ABCB9: variants seen among roughly 807,000 people sequenced by gnomAD.
ABCB9 encodes ABC-type oligopeptide transporter ABCB9.
ABCB9 carries 36 observed loss-of-function variants against 62.0 expected under a neutral mutation model. The ratio of observed to expected loss-of-function variants is 0.58; its 90% CI spans 0.45 to 0.77. The LOEUF (loss-of-function observed/expected upper bound fraction) is 0.77. Among genes scored for constraint, ABCB9 ranks in the 30% least tolerant of loss-of-function variants. The pLI, the probability that ABCB9 is intolerant of heterozygous loss-of-function variation, is 0.00. For synonymous variants in ABCB9, 435 were observed against 461.4 expected, an observed-to-expected ratio of 0.94 and a Z score of 0.73; for missense variants, 943 against 1,054.7, an observed-to-expected ratio of 0.89 and a Z score of 1.47.
intron 2 of ABCB9, among the ~76,000 whole-genome samples, chr12:122,958,783 C>T (rs965383059): frequency 3.3e-5 from 5 of 151,928 alleles, no homozygotes; most frequent in Admixed American, 6.6e-5. Context: ...TTGAAGCTGC[C>T]GTAAGCTGTG....
chr12:122,965,421 G>C (rs1269365688), intron 1 of ABCB9, among the ~76,000 whole-genome samples: 1 of 152,246 alleles, frequency 6.6e-6, no homozygotes, highest in Non-Finnish European at 1.5e-5. Context: ...CTGCTGGGTG[G>C]GAGGGCCTGA....
At chr12:122,949,997 G>A (rs1047037506) in intron 3 of ABCB9, 79 bp from the exon 4 acceptor site, 11 of 1,585,732 alleles carry the variant, frequency 6.9e-6, no homozygotes, top group African/African-American at 4.0e-5. Flanking sequence ...TCCCGCTGCC[G>A]GCAGGCCTGG....
chr12:122,962,397 A>G (rs1004741504), intron 1 of ABCB9, among the ~76,000 whole-genome samples: 2 of 152,160 alleles, frequency 1.3e-5, no homozygotes, highest in African/African-American at 2.4e-5. Context: ...GCTGGGTGAC[A>G]GCGGGGATGA....
chr12:122,956,199 G>A (rs2036605525), intron 2 of ABCB9, among the ~76,000 whole-genome samples: 1 of 152,206 alleles, frequency 6.6e-6, no homozygotes, highest in African/African-American at 2.4e-5. Flanking sequence ...TTACTGGGAG[G>A]TGTCTATGTG....
intron 2 of ABCB9, among the ~76,000 whole-genome samples, chr12:122,955,042 C>T (rs1227061001): frequency 6.6e-6 from 1 of 152,194 alleles, no homozygotes; most frequent in African/African-American, 2.4e-5. Context: ...AGCAACCCTC[C>T]CTCCTTGGCC....
intron 2 of ABCB9, chr12:122,952,101 G>T: frequency 6.5e-6 from 1 of 153,312 alleles, no homozygotes; most frequent in South Asian, 1.8e-4. Context: ...CTTGGAAGCA[G>T]AGAGTGGCCC....
Position 122,959,295 on chromosome 12 carries a change from T to G in ABCB9, c.601+340A>C, listed in dbSNP as rs1336149532. On this transcript the variant is annotated intron_variant, in intron 2 of 11. Transcript: ENST00000280560. This position sits in a 1 kb window ranked among gnomAD's most constrained non-coding sequence, Gnocchi z 5.4. ...TGAAGCTGGGAGGCAGAGGTTGCAG[T>G]GACCTGAGATTGTGCCACTGCACTC... Among the ~76,000 whole-genome samples the G allele has an allele frequency of 6.6e-6, 1 of 151,976 alleles. No homozygotes were observed. Among genetic ancestry groups the G allele is most frequent in the African/African-American group, 2.4e-5 (1 of 41,430 alleles).
Position 122,935,286 on chromosome 12 carries a change from TC to T in ABCB9, c.1888del (p.Asp630ThrfsTer51), listed in dbSNP as rs1275678427. ...NAHGFIMELQDGYSTETGEKG... is the reference protein window; with the variant it reads ...NAHGFIMELQXGYSTETGEKG... ...CAGCTCCACACCTGTGCTGTAGCCG[TC>T]CTGGAGTTCCATGATGAAGCCGTGG... is the stretch of plus-strand genomic sequence containing the variant. On this transcript the variant is annotated frameshift_variant, in exon 10 of 12. Transcript: ENST00000280560. LOFTEE classifies it high-confidence loss of function. 1.2e-6 allele frequency: 2 copies of T among 1,610,472 alleles called. No individual in the cohort carries two copies. The highest frequency in any genetic ancestry group is 1.7e-6 in the Non-Finnish European group (2 of 1,178,312).
chr12:122,935,027 T>C lies in ABCB9; in HGVS notation c.1903+245A>G, dbSNP rs138628060. On this transcript the variant is annotated intron_variant, in intron 10 of 11. Transcript: ENST00000280560. ...TATTCCAGTGTATGGGCTTCTATAA[T>C]AATTTACTTAATAAATATTTTGCTG... Among the ~76,000 whole-genome samples, 232 of 152,236 alleles carry C rather than the reference T, an allele frequency of 1.5e-3. 1 individual carries two copies. In the East Asian group the frequency reaches 0.036, roughly 24 times the overall value.
rs1032905153 is a variant in ABCB9, at chr12:122,944,646, C to A, written c.1252-127G>T. On this transcript the variant is annotated intron_variant, in intron 6 of 11. Transcript: ENST00000280560. The surrounding 1 kb of genome is among the most constrained non-coding windows in gnomAD (Gnocchi z 4.9). Reference sequence around the variant, plus strand: ...CCCAGCCACAAACTGAAATGCCGGCCGTTGGCAGGGGTGTCTTCCAAGGCT... The same window carrying A: ...CCCAGCCACAAACTGAAATGCCGGCAGTTGGCAGGGGTGTCTTCCAAGGCT... The A allele has an allele frequency of 5.9e-6, 8 of 1,367,010 alleles. No homozygotes were observed. The African/African-American group carries it at 7.2e-5, about 12-fold the overall frequency. The allele number at this position is 1,367,010 out of a possible 1,614,324, so 84.7% of individuals were successfully genotyped here.
At chr12:122,952,819 C>T (rs894061156) in intron 2 of ABCB9, 1 of 152,272 alleles carries the variant, frequency 6.6e-6, no homozygotes, top group African/African-American at 2.4e-5. Flanking sequence ...AGAACCTGAC[C>T]ACTTTCACTG....
At chr12:122,968,635 CCTTT>C (rs1418819767), upstream of ABCB9, among the ~76,000 whole-genome samples, 13 of 129,954 alleles carry the variant, frequency 1.0e-4, no homozygotes, top group African/African-American at 3.6e-4. Flanking sequence ...TTCCTCTGTA[CCTTT>C]TTTTTTTTTT....
Position 122,947,566 on chromosome 12 carries a change from C to A in ABCB9, c.1053+1058G>T. 4.7e-6 allele frequency: 2 copies of A among 425,494 alleles called. No individual in the cohort carries two copies. The highest frequency in any genetic ancestry group is 1.7e-5 in the South Asian group (1 of 60,390). 26.4% of individuals were successfully genotyped at this position (425,494 alleles called of 1,614,324 possible). Reference sequence around the variant, plus strand: ...GGTGACTGTGAGGGGGTTGCCTGTACCTGTCACAGGGTCACAGCCCTGCCT... The same window carrying A: ...GGTGACTGTGAGGGGGTTGCCTGTAACTGTCACAGGGTCACAGCCCTGCCT... On this transcript the variant is annotated intron_variant, in intron 5 of 11. Coordinates refer to ENST00000280560, the MANE Select transcript of ABCB9 (RefSeq NM_019625.4). The surrounding 1 kb of genome is among the most constrained non-coding windows in gnomAD (Gnocchi z 6.0).
At chr12:122,965,561 C>T (rs1323863731) in intron 1 of ABCB9, among the ~76,000 whole-genome samples, 1 of 152,172 alleles carries the variant, frequency 6.6e-6, no homozygotes, top group African/African-American at 2.4e-5. Flanking sequence ...GAAGCTGTCT[C>T]AGGTGCTCTC....
upstream of ABCB9, among the ~76,000 whole-genome samples, chr12:122,969,798 A>G (rs1462405802): frequency 1.3e-5 from 2 of 152,176 alleles, no homozygotes; most frequent in Non-Finnish European, 2.9e-5. Context: ...ATGCAAATTA[A>G]AACAGCAATG....
intron 2 of ABCB9, among the ~76,000 whole-genome samples, chr12:122,954,408 A>C (rs1416601754): frequency 2.0e-5 from 3 of 151,938 alleles, no homozygotes; most frequent in African/African-American, 7.3e-5. Context: ...GGGTTTCTCC[A>C]TGTTGGTCAG....
At chr12:122,934,640 CA>C (rs371538708) in intron 10 of ABCB9, among the ~76,000 whole-genome samples, 209 of 88,100 alleles carry the variant, frequency 2.4e-3, no homozygotes, top group Middle Eastern at 6.4e-3. Flanking sequence ...GCCCCTGCCT[CA>C]AAAAAAAAAA....
chr12:122,937,881 T>G (rs1401850881), intron 9 of ABCB9, among the ~76,000 whole-genome samples: 1 of 152,242 alleles, frequency 6.6e-6, no homozygotes, highest in Non-Finnish European at 1.5e-5. Flanking sequence ...ATCCCTGCTC[T>G]TAGGCCAGCA....
intron 4 of ABCB9, 151 bp downstream of exon 4, chr12:122,949,636 CA>C: frequency 1.8e-6 from 2 of 1,088,670 alleles, no homozygotes; most frequent in Non-Finnish European, 2.6e-6. Context: ...GGACACAGGC[CA>C]AGCCCAGGGT....
Sources: gnomAD v4.1 joint callset for allele counts (sites outside exome capture counted in the v4.1 genomes callset) on GRCh38, gnomAD v4.1.1 for gene constraint, Gnocchi (gnomAD v3.1) non-coding constraint, MANE v1.5 for transcripts, NCBI Gene and HGNC (gene_info 2026-07-23, HGNC 2026-07-21) for gene names.